The following KCNJ3 variants were observed in gnomAD, a reference collection of about 807,000 sequenced individuals.
KCNJ3 encodes the protein G protein-activated inward rectifier potassium channel 1.
A neutral mutation model predicts 39.2 loss-of-function variants in KCNJ3; 4 were observed. That is an observed-to-expected ratio of 0.10 (90% confidence interval 0.05 to 0.23). The LOEUF is 0.23. Among genes scored for constraint, KCNJ3 ranks in the 10% least tolerant of loss-of-function variants. The pLI, the probability that KCNJ3 is intolerant of heterozygous loss-of-function variation, is 1.00. For missense variants in KCNJ3, 276 were observed against 634.9 expected (o/e 0.43, Z 6.08); for synonymous variants, 230 against 237.4 (o/e 0.97, Z 0.29).
At chr2:154,768,311 T>C (rs1686172206) in intron 2 of KCNJ3, among the ~76,000 whole-genome samples, 3 of 152,376 alleles carry the variant, frequency 2.0e-5, no homozygotes, top group East Asian at 1.9e-4. Context: ...AGGGTTTTTA[T>C]GGTTTTAGGT....
chr2:154,731,101 G>GAAGT (rs1685441964), intron 2 of KCNJ3, among the ~76,000 whole-genome samples: 1 of 152,110 alleles, frequency 6.6e-6, no homozygotes, highest in African/African-American at 2.4e-5. Flanking sequence ...CTATTCAGAT[G>GAAGT]AAGTGTCATC....
chr2:154,763,288 T>G (rs62170800), intron 2 of KCNJ3, among the ~76,000 whole-genome samples: 2,246 of 152,302 alleles, frequency 0.015, 28 homozygotes, highest in Non-Finnish European at 0.024. Flanking sequence ...AAACGGAATC[T>G]TTTTCTTCCC....
intron 2 of KCNJ3, among the ~76,000 whole-genome samples, chr2:154,743,392 C>T (rs537877347): frequency 1.3e-5 from 2 of 151,702 alleles, no homozygotes; most frequent in South Asian, 4.2e-4. Flanking sequence ...AAAATGTCAT[C>T]GAGGTCTTGA....
At chr2:154,750,791 G>A (rs1282776922) in intron 2 of KCNJ3, among the ~76,000 whole-genome samples, 16 of 151,788 alleles carry the variant, frequency 1.1e-4, no homozygotes, top group Non-Finnish European at 1.9e-4. Context: ...AATGAACAAA[G>A]GTGTAAGTTT....
intron 2 of KCNJ3, among the ~76,000 whole-genome samples, chr2:154,721,572 T>C (rs763407093): frequency 8.5e-5 from 13 of 152,084 alleles, no homozygotes; most frequent in Non-Finnish European, 1.5e-4. Flanking sequence ...TAACACGACA[T>C]GTTCAGCTTT....
At chr2:154,739,820 C>T (rs1462541388) in intron 2 of KCNJ3, among the ~76,000 whole-genome samples, 1 of 151,980 alleles carries the variant, frequency 6.6e-6, no homozygotes, top group African/African-American at 2.4e-5. Context: ...TATAGCCCAC[C>T]AAATATGTTT....
In KCNJ3 at chr2:154,855,069, C is replaced by T; in HGVS notation, c.1262C>T (p.Ser421Phe). ...DFPKKLLRMS[S>F]TTSEKAYSLG... ...CCCAAAAAACTCTTGAGGATGAGTT[C>T]TACAACTTCAGAAAAAGCCTACAGC... is the stretch of plus-strand genomic sequence containing the variant. The change falls in exon 3 of 3, where the codon TCT (serine) becomes TTT (phenylalanine). Residue 421 changes from serine to phenylalanine, a missense_variant. Physicochemically the swap from Ser to Phe is radical, Grantham distance 155. This residue lies in a region of KCNJ3 where 126 missense variants were observed against 179.8 expected (regional missense o/e 0.70). Transcript: ENST00000295101. The T allele has an allele frequency of 6.2e-7, 1 of 1,614,054 alleles. No homozygotes were observed. Among genetic ancestry groups the T allele is most frequent in the Non-Finnish European group, 8.5e-7 (1 of 1,179,952 alleles).
intron 2 of KCNJ3, among the ~76,000 whole-genome samples, chr2:154,787,598 C>G (rs1345608357): frequency 6.6e-6 from 1 of 151,810 alleles, no homozygotes; most frequent in Non-Finnish European, 1.5e-5. Context: ...CAAACTTTTC[C>G]GAGTCCAATT....
chr2:154,737,850 C>G (rs1188910632), intron 2 of KCNJ3, among the ~76,000 whole-genome samples: 1 of 151,996 alleles, frequency 6.6e-6, no homozygotes, highest in Non-Finnish European at 1.5e-5. Flanking sequence ...GTTGAAGAAA[C>G]AGTGGCCACA....
chr2:154,812,872 A>G (rs1030074666), intron 2 of KCNJ3, among the ~76,000 whole-genome samples: 1 of 152,214 alleles, frequency 6.6e-6, no homozygotes, highest in African/African-American at 2.4e-5. Flanking sequence ...TAAAAGCTTC[A>G]TTCTAGATAT....
intron 2 of KCNJ3, among the ~76,000 whole-genome samples, chr2:154,793,292 C>T (rs969486075): frequency 3.3e-5 from 5 of 151,792 alleles, no homozygotes; most frequent in Non-Finnish European, 5.9e-5. Context: ...CTTTGCTCAC[C>T]GGAAAATATT....
At chr2:154,700,079 C>A (rs1251306842) in intron 1 of KCNJ3, among the ~76,000 whole-genome samples, 1 of 152,158 alleles carries the variant, frequency 6.6e-6, no homozygotes, top group Non-Finnish European at 1.5e-5. Context: ...GTGGAAGAAA[C>A]CACACTTGGT....
At chr2:154,816,411 T>G (rs1049626091) in intron 2 of KCNJ3, among the ~76,000 whole-genome samples, 24 of 152,190 alleles carry the variant, frequency 1.6e-4, no homozygotes, top group African/African-American at 5.8e-4. Flanking sequence ...CTTTTCCTTT[T>G]ATGCAACATG....
chr2:154,776,305 G>T (rs1452305940), intron 2 of KCNJ3, among the ~76,000 whole-genome samples: 1 of 151,932 alleles, frequency 6.6e-6, no homozygotes, highest in Non-Finnish European at 1.5e-5. Context: ...CCCGGCCAGG[G>T]ATTCTTAGTA....
intron 2 of KCNJ3, among the ~76,000 whole-genome samples, chr2:154,821,747 T>C (rs775288254): frequency 6.8e-6 from 1 of 146,860 alleles, no homozygotes; most frequent in East Asian, 2.1e-4. Context: ...TTCAAGCAAT[T>C]TTCCTTTGTT....
At chr2:154,716,611 T>C in intron 2 of KCNJ3, among the ~76,000 whole-genome samples, 1 of 152,200 alleles carries the variant, frequency 6.6e-6, no homozygotes, top group East Asian at 1.9e-4. Context: ...CTGAATACTT[T>C]TATGAAAATG....
At chr2:154,805,959 T>C (rs188207454) in intron 2 of KCNJ3, among the ~76,000 whole-genome samples, 25 of 152,302 alleles carry the variant, frequency 1.6e-4, no homozygotes, top group African/African-American at 5.8e-4. Context: ...GCCAAAAATA[T>C]GTTCTGCATT....
intron 2 of KCNJ3, among the ~76,000 whole-genome samples, chr2:154,820,477 C>T (rs1394873514): frequency 1.3e-5 from 2 of 152,166 alleles, no homozygotes; most frequent in African/African-American, 4.8e-5. Flanking sequence ...GCAACATCTG[C>T]TTGTCCCATT....
At chr2:154,852,938 T>C (rs1021478975) in intron 2 of KCNJ3, among the ~76,000 whole-genome samples, 2 of 152,016 alleles carry the variant, frequency 1.3e-5, no homozygotes, top group Non-Finnish European at 2.9e-5. Context: ...AACTAAAATA[T>C]TAGAGACATT....
Sources: allele counts gnomAD v4.1 joint callset (sites outside exome capture counted in the v4.1 genomes callset), GRCh38; gene constraint gnomAD v4.1.1; regional missense constraint gnomAD v4.1.1; transcripts MANE v1.5; gene names NCBI Gene and HGNC (gene_info 2026-07-23, HGNC 2026-07-21).